WASF3: variants seen among roughly 807,000 people sequenced by gnomAD.
WASF3 encodes the protein actin-binding protein WASF3.
A neutral mutation model predicts 46.6 loss-of-function variants in WASF3; 11 were observed. The observed-to-expected ratio is 0.24, with a 90% CI of 0.15 to 0.39. The LOEUF is 0.39. WASF3 is among the 10% of genes least tolerant of loss of function. The pLI, the probability that WASF3 is intolerant of heterozygous loss-of-function variation, is 1.00. For missense variants in WASF3, 576 were observed against 669.8 expected (o/e 0.86, Z 1.55); for synonymous variants, 242 against 259.7 (o/e 0.93, Z 0.65).
chr13:26,652,597 G>A (rs1566063812), intron 3 of WASF3, among the ~76,000 whole-genome samples: 2 of 152,066 alleles, frequency 1.3e-5, no homozygotes, highest in Admixed American at 6.5e-5. Context: ...ACACCAAAAC[G>A]GGACATCTGG....
the WASF3 span, among the ~76,000 whole-genome samples, chr13:26,541,368 T>C: frequency 5.3e-5 from 8 of 152,172 alleles, no homozygotes; most frequent in Admixed American, 1.3e-4. Context: ...CTGTGCAACC[T>C]TGGGTAAGTT....
intron 3 of WASF3, among the ~76,000 whole-genome samples, chr13:26,644,818 A>G (rs568379476): frequency 2.4e-4 from 36 of 152,242 alleles, no homozygotes; most frequent in African/African-American, 8.7e-4. Flanking sequence ...GGAAAGGCAA[A>G]AGAAGGATGT....
chr13:26,608,483 T>G (rs1880870897), intron 1 of WASF3, among the ~76,000 whole-genome samples: 1 of 152,202 alleles, frequency 6.6e-6, no homozygotes, highest in African/African-American at 2.4e-5. Context: ...TACAGCAGTA[T>G]CTCTTCTGCT....
chr13:26,565,681 G>A (rs1309284071), intron 1 of WASF3, among the ~76,000 whole-genome samples: 1 of 152,164 alleles, frequency 6.6e-6, no homozygotes, highest in Non-Finnish European at 1.5e-5. Context: ...AACAGCATTT[G>A]TTTCCCAAGG....
At position 26,687,584 on chromosome 13, in the gene WASF3, C is replaced by T. The variant is rs1237997167; in HGVS notation, c.*1739C>T. 2 of 152,266 alleles carry T rather than the reference C, an allele frequency of 1.3e-5. No individual in the cohort carries two copies. The highest frequency in any genetic ancestry group is 6.5e-5 in the Admixed American group (1 of 15,278). 9.4% of individuals were successfully genotyped at this position (152,266 alleles called of 1,614,324 possible). A position where few individuals can be genotyped will look rare whatever the true frequency, so the allele number is the denominator to read the frequency against. Reference sequence around the variant, plus strand: ...TGCTTCCCTGGTGTGTCTGTTCTCTCCTCTGTCCCAGGTGCTGGGAGCGTC... The same window carrying T: ...TGCTTCCCTGGTGTGTCTGTTCTCTTCTCTGTCCCAGGTGCTGGGAGCGTC... On this transcript the variant is annotated 3_prime_UTR_variant, in exon 10 of 10. Transcript: ENST00000335327.
intron 7 of WASF3, among the ~76,000 whole-genome samples, chr13:26,678,639 G>A (rs1012480776): frequency 1.3e-5 from 2 of 152,000 alleles, no homozygotes; most frequent in South Asian, 2.1e-4. Context: ...GTAATATACC[G>A]TAACCCATCT....
At chr13:26,539,626 C>A in the WASF3 span, among the ~76,000 whole-genome samples, 1 of 152,106 alleles carries the variant, frequency 6.6e-6, no homozygotes, top group Admixed American at 6.5e-5. Context: ...CTAGAACTAA[C>A]CACTGCTGTA....
chr13:26,637,941 T>A (rs1007938115), intron 2 of WASF3, among the ~76,000 whole-genome samples: 3 of 152,072 alleles, frequency 2.0e-5, no homozygotes, highest in African/African-American at 7.2e-5. Flanking sequence ...AGCTATAGGA[T>A]TTGATTAAGG....
At chr13:26,663,543 T>A (rs1882691708) in intron 3 of WASF3, among the ~76,000 whole-genome samples, 2 of 152,240 alleles carry the variant, frequency 1.3e-5, no homozygotes, top group African/African-American at 4.8e-5. Flanking sequence ...AATGCTTAGC[T>A]GAAAGCTGAA....
chr13:26,577,447 G>T, intron 1 of WASF3: 1 of 827,464 alleles, frequency 1.2e-6, no homozygotes, highest in Non-Finnish European at 2.1e-6. Flanking sequence ...TCAATAAATT[G>T]ATTCCAGACA....
chr13:26,613,217 A>G (rs1394167840), intron 2 of WASF3, among the ~76,000 whole-genome samples, 159 bp downstream of exon 2: 1 of 151,078 alleles, frequency 6.6e-6, no homozygotes. Context: ...ACAGCAGGTA[A>G]TATTTTAGAG....
intron 1 of WASF3, among the ~76,000 whole-genome samples, chr13:26,594,603 A>G (rs902499025): frequency 6.6e-6 from 1 of 152,136 alleles, no homozygotes; most frequent in Admixed American, 6.5e-5. Context: ...CCCCGTGTAC[A>G]TCATTCATAC....
chr13:26,636,659 T>G (rs934350484), intron 2 of WASF3, among the ~76,000 whole-genome samples: 3 of 152,198 alleles, frequency 2.0e-5, no homozygotes, highest in Admixed American at 6.5e-5. Flanking sequence ...ACAGAACTTA[T>G]TTTTATTTTT....
chr13:26,685,351 C>T lies in WASF3; in HGVS notation c.1352-337C>T, dbSNP rs541040391. Among the ~76,000 whole-genome samples, 8 of 152,272 alleles carry T rather than the reference C, an allele frequency of 5.3e-5. 1 individual carries two copies. The highest frequency in any genetic ancestry group is 5.2e-4 in the Admixed American group (8 of 15,292). ...CGTCCCAGAGAGTAGCCACTAGCCACATGTCAGTTCATGCTTTTAAGGCTA... is the reference window on the plus strand; with the variant it reads ...CGTCCCAGAGAGTAGCCACTAGCCATATGTCAGTTCATGCTTTTAAGGCTA... On this transcript the variant is annotated intron_variant, in intron 9 of 9. Transcript: ENST00000335327.
At chr13:26,659,800 G>C (rs1022499115) in intron 3 of WASF3, among the ~76,000 whole-genome samples, 1 of 152,166 alleles carries the variant, frequency 6.6e-6, no homozygotes, top group African/African-American at 2.4e-5. Flanking sequence ...TCTGTGACTG[G>C]AGCAACGGGA....
chr13:26,651,967 TG>T (rs1190425943), intron 3 of WASF3, among the ~76,000 whole-genome samples: 5 of 152,226 alleles, frequency 3.3e-5, no homozygotes, highest in African/African-American at 1.2e-4. Flanking sequence ...CCTAAAATAA[TG>T]ATTTGATTAT....
intron 7 of WASF3, chr13:26,680,314 C>T (rs1328000527): frequency 1.9e-5 from 24 of 1,256,294 alleles, no homozygotes; most frequent in East Asian, 2.6e-5. Flanking sequence ...GAGCCAGGAG[C>T]GTGTGACTGT....
intron 3 of WASF3, among the ~76,000 whole-genome samples, chr13:26,662,727 A>T (rs1441101768): frequency 6.6e-6 from 1 of 152,224 alleles, no homozygotes; most frequent in Non-Finnish European, 1.5e-5. Context: ...GGGATCATTC[A>T]TTCCCCAAAC....
chr13:26,663,772 G>A (rs552364563), intron 3 of WASF3, among the ~76,000 whole-genome samples: 4 of 152,228 alleles, frequency 2.6e-5, no homozygotes, highest in East Asian at 3.9e-4. Flanking sequence ...AGAAATTATC[G>A]AGTGTTTCAT....
Sources: allele counts gnomAD v4.1 joint callset (sites outside exome capture counted in the v4.1 genomes callset), GRCh38; gene constraint gnomAD v4.1.1; transcripts MANE v1.5; gene names NCBI Gene and HGNC (gene_info 2026-07-23, HGNC 2026-07-21).